TNKS: variants seen among roughly 807,000 people sequenced by gnomAD.
The protein encoded by TNKS is poly [ADP-ribose] polymerase tankyrase-1.
In TNKS, 72 loss-of-function variants were observed where a neutral mutation model predicts 135.8. The observed-to-expected ratio is 0.53, with a 90% CI of 0.44 to 0.64. TNKS has a LOEUF of 0.64. Among genes scored for constraint, TNKS ranks in the 30% least tolerant of loss-of-function variants. The probability of loss-of-function intolerance (pLI) is 0.00; values close to 1 mark genes in which losing one functional copy is unlikely to be tolerated. For missense variants in TNKS, 1,769 were observed against 1,674.0 expected, an observed-to-expected ratio of 1.06 and a Z score of -0.99; for synonymous variants, 849 against 649.3, an observed-to-expected ratio of 1.31 and a Z score of -4.68.
chr8:9,718,059 A>G (rs1804694949), intron 11 of TNKS, among the ~76,000 whole-genome samples: 1 of 152,166 alleles, frequency 6.6e-6, no homozygotes. Context: ...AATGGAAACA[A>G]TGAAAAGCAA....
intron 2 of TNKS, among the ~76,000 whole-genome samples, chr8:9,610,111 C>T (rs1799396340): frequency 2.0e-5 from 3 of 152,122 alleles, no homozygotes. Context: ...CTCACCTCAG[C>T]CTTCCAAAGT....
At chr8:9,648,615 T>C (rs1218399253) in intron 3 of TNKS, among the ~76,000 whole-genome samples, 1 of 152,246 alleles carries the variant, frequency 6.6e-6, no homozygotes, top group African/African-American at 2.4e-5. Context: ...TTTATACAAC[T>C]GGCTGTGCAG....
At chr8:9,672,988 C>G (rs766025108) in intron 3 of TNKS, among the ~76,000 whole-genome samples, 7 of 152,192 alleles carry the variant, frequency 4.6e-5, no homozygotes, top group Non-Finnish European at 1.0e-4. Flanking sequence ...GAAAGTCCCA[C>G]TGGTTAACAG....
At chr8:9,755,937 G>A (rs1806811460) in intron 20 of TNKS, among the ~76,000 whole-genome samples, 1 of 152,150 alleles carries the variant, frequency 6.6e-6, no homozygotes, top group East Asian at 1.9e-4. Flanking sequence ...ACTTTGCCAA[G>A]TTCTATGTTG....
At chr8:9,679,831 A>T in intron 3 of TNKS, 120 bp from the exon 4 acceptor site, 2 of 764,106 alleles carry the variant, frequency 2.6e-6, no homozygotes, top group Non-Finnish European at 4.4e-6. Context: ...TCCATCACCC[A>T]GCGGGGTGTG....
chr8:9,766,618 T>C (rs1246176823), intron 25 of TNKS, among the ~76,000 whole-genome samples, 193 bp downstream of exon 25: 1 of 151,828 alleles, frequency 6.6e-6, no homozygotes, highest in African/African-American at 2.4e-5. Flanking sequence ...CCTCAGTAGC[T>C]GGGATTACAG....
At chr8:9,559,884 A>C (rs1797257739) in intron 1 of TNKS, among the ~76,000 whole-genome samples, 2 of 152,188 alleles carry the variant, frequency 1.3e-5, no homozygotes, top group Admixed American at 6.5e-5. Flanking sequence ...GACTGTGTTA[A>C]TAATGGAATC....
At chr8:9,744,191 G>T (rs1806117935) in intron 17 of TNKS, among the ~76,000 whole-genome samples, 1 of 152,046 alleles carries the variant, frequency 6.6e-6, no homozygotes, top group Admixed American at 6.5e-5. Context: ...CTGTGTCGGT[G>T]TTCTTTATAT....
chr8:9,560,584 G>A (rs553304213), intron 1 of TNKS, among the ~76,000 whole-genome samples: 1 of 127,688 alleles, frequency 7.8e-6, no homozygotes, highest in East Asian at 2.6e-4. Context: ...ATATACTCTA[G>A]ATTGTTGCCT....
In TNKS at chr8:9,766,354, A is replaced by G. The variant is rs577784094; in HGVS notation, c.3669A>G (p.Gln1223=). ...CTGAAAACTCCTCAAAAAGCAACCA[A>G]TATGTTTATGGAATTGGAGGAGGAA... The part of the protein sequence containing the change: ...YFAENSSKSN[Q]YVYGIGGGTG... The change falls in exon 25 of 27, where the codon CAA becomes CAG. Residue 1223 remains glutamine, a synonymous_variant. Transcript: ENST00000310430. 7 of 1,613,950 alleles carry G rather than the reference A, an allele frequency of 4.3e-6. No homozygotes were observed. The highest frequency in any genetic ancestry group is 2.2e-5 in the South Asian group (2 of 91,070).
At chr8:9,587,809 A>G (rs1003590669) in intron 2 of TNKS, among the ~76,000 whole-genome samples, 2 of 152,208 alleles carry the variant, frequency 1.3e-5, no homozygotes, top group African/African-American at 4.8e-5. Flanking sequence ...GATTTGTGAT[A>G]ATTTGTTACG....
At position 9,751,841 on chromosome 8, in the gene TNKS, G is replaced by C. The variant is rs1411436584; in HGVS notation, c.3065G>C (p.Gly1022Ala). The C allele has an allele frequency of 1.2e-6, 2 of 1,614,044 alleles. No individual in the cohort carries two copies. The highest frequency in any genetic ancestry group is 1.7e-6 in the Non-Finnish European group (2 of 1,179,914). ...DGAAGTERKE[G>A]EVAGLDMNIS... ...GCCGCGGGAACAGAAAGGAAGGAAGGAGAAGGTGAGTAGACCCCATGAATG... is the reference window on the plus strand; with the variant it reads ...GCCGCGGGAACAGAAAGGAAGGAAGCAGAAGGTGAGTAGACCCCATGAATG... The change falls in exon 19 of 27, where the codon GGA becomes GCA. Residue 1022 changes from glycine to alanine, a missense_variant. Gly to Ala is a moderately conservative substitution (Grantham distance 60). This residue lies in a region of TNKS where 722 missense variants were observed against 688.9 expected (regional missense o/e 1.05). Coordinates refer to ENST00000310430, the MANE Select transcript of TNKS (RefSeq NM_003747.3).
chr8:9,719,573 TGAG>T (rs1804767109), intron 11 of TNKS, among the ~76,000 whole-genome samples: 1 of 152,114 alleles, frequency 6.6e-6, no homozygotes. Flanking sequence ...TTCTTGGAGA[TGAG>T]GAGACTTATC....
Position 9,734,427 on chromosome 8 carries a change from T to C in TNKS, c.2314-438T>C, listed in dbSNP as rs1230211880. 2.1e-4 allele frequency among the ~76,000 whole-genome samples: 32 copies of C among 152,052 alleles called. 1 individual carries two copies. Among genetic ancestry groups the C allele is most frequent in the Admixed American group, 2.1e-3 (32 of 15,244 alleles). ...AAATATTACCAAACTTTATTCTTACTGATGGCCTTTAGAATTAAGTCCTTT... is the reference window on the plus strand; with the variant it reads ...AAATATTACCAAACTTTATTCTTACCGATGGCCTTTAGAATTAAGTCCTTT... On this transcript the variant is annotated intron_variant, in intron 15 of 26. Transcript: ENST00000310430.
At chr8:9,655,041 C>T (rs1217949397) in intron 3 of TNKS, among the ~76,000 whole-genome samples, 1 of 152,162 alleles carries the variant, frequency 6.6e-6, no homozygotes, top group African/African-American at 2.4e-5. Flanking sequence ...TCGGGTCACT[C>T]CCACCCTAAA....
At chr8:9,657,761 G>A (rs1191732492) in intron 3 of TNKS, among the ~76,000 whole-genome samples, 8 of 144,948 alleles carry the variant, frequency 5.5e-5, no homozygotes, top group Non-Finnish European at 9.2e-5. Flanking sequence ...CGGACGGGGC[G>A]GCTGGCCGGG....
At chr8:9,595,659 G>A in intron 2 of TNKS, among the ~76,000 whole-genome samples, 1 of 151,924 alleles carries the variant, frequency 6.6e-6, no homozygotes, top group Non-Finnish European at 1.5e-5. Flanking sequence ...ATACATTGAA[G>A]ATGCTTAAAT....
At chr8:9,594,923 A>G (rs941175298) in intron 2 of TNKS, among the ~76,000 whole-genome samples, 4 of 152,176 alleles carry the variant, frequency 2.6e-5, no homozygotes, top group African/African-American at 9.7e-5. Context: ...CTGTCTATTT[A>G]TATATCATTT....
intron 1 of TNKS, among the ~76,000 whole-genome samples, chr8:9,575,810 A>G (rs911358283): frequency 6.6e-6 from 1 of 152,214 alleles, no homozygotes. Context: ...GGATTTAACT[A>G]TGAGTATTTT....
Sources: gnomAD v4.1 joint callset for allele counts (sites outside exome capture counted in the v4.1 genomes callset) on GRCh38, gnomAD v4.1.1 for gene constraint, gnomAD v4.1.1 regional missense constraint, MANE v1.5 for transcripts, NCBI Gene and HGNC (gene_info 2026-07-23, HGNC 2026-07-21) for gene names.